The following EHD2 variants were observed in gnomAD, a reference collection of about 807,000 sequenced individuals.
EHD2 encodes EH domain-containing protein 2.
A neutral mutation model predicts 41.0 loss-of-function variants in EHD2; 27 were observed. The observed-to-expected ratio is 0.66, with a 90% CI of 0.49 to 0.91. The LOEUF (loss-of-function observed/expected upper bound fraction) is 0.91, where lower values mean the gene tolerates loss of function less well. EHD2 is among the 40% of genes least tolerant of loss of function. EHD2 has a pLI of 0.00. For missense variants in EHD2, 673 were observed against 773.9 expected (o/e 0.87, Z 1.55); for synonymous variants, 342 against 341.0 (o/e 1.00, Z -0.03).
chr19:47,735,055 C>T (rs1359380527), intron 4 of EHD2, among the ~76,000 whole-genome samples: 1 of 152,078 alleles, frequency 6.6e-6, no homozygotes. Context: ...GACTCCGTCT[C>T]AAAATAAATA....
chr19:47,722,009 AACACACACACACAC>A (rs201572396), intron 3 of EHD2, among the ~76,000 whole-genome samples: 4,199 of 130,728 alleles, frequency 0.032, 84 homozygotes, highest in Middle Eastern at 0.053. Flanking sequence ...AGAAAAACAA[AACACACACACACAC>A]ACACACACAC....
intron 4 of EHD2, among the ~76,000 whole-genome samples, chr19:47,731,063 A>G (rs1427424268): frequency 6.6e-6 from 1 of 151,266 alleles, no homozygotes; most frequent in Non-Finnish European, 1.5e-5. Flanking sequence ...GGAAGGGGTG[A>G]GCCGAGTGGC....
intron 5 of EHD2, among the ~76,000 whole-genome samples, chr19:47,739,092 TC>T (rs768760525): frequency 6.6e-6 from 1 of 151,278 alleles, no homozygotes. Flanking sequence ...CTTTTTTCTC[TC>T]CCCCCCTGCA....
intron 1 of EHD2, among the ~76,000 whole-genome samples, chr19:47,714,444 A>G (rs1009817673): frequency 1.3e-5 from 2 of 152,210 alleles, no homozygotes; most frequent in Admixed American, 1.3e-4. Flanking sequence ...TTTTAAAAAA[A>G]GCAAATACCC....
At chr19:47,733,383 A>G (rs1159317472) in intron 4 of EHD2, among the ~76,000 whole-genome samples, 1 of 151,820 alleles carries the variant, frequency 6.6e-6, no homozygotes, top group Admixed American at 6.6e-5. Context: ...TTAATAAATC[A>G]AGACATTAGG....
In EHD2 at chr19:47,742,279, T is replaced by TTTCG; in HGVS notation, c.*850_*851insGTTC. On this transcript the variant is annotated 3_prime_UTR_variant, in exon 6 of 6. Coordinates refer to ENST00000263277, the MANE Select transcript of EHD2 (RefSeq NM_014601.4). ...ACCCCTTCCCTTTCCTGTCCTGTCC[T>TTTCG]TTCTTTCTTTTTTGATAGAATCTTG... is the stretch of plus-strand genomic sequence containing the variant. 3.6e-6 allele frequency: 1 copy of TTTCG among 275,612 alleles called. No individual in the cohort carries two copies. The highest frequency in any genetic ancestry group is 7.0e-6 in the Non-Finnish European group (1 of 142,266). 17.1% of individuals were successfully genotyped at this position (275,612 alleles called of 1,614,324 possible).
At chr19:47,736,559 T>C (rs747452965) in intron 5 of EHD2, 26 bp downstream of exon 5, 3 of 1,556,074 alleles carry the variant, frequency 1.9e-6, no homozygotes, top group East Asian at 4.7e-5. Flanking sequence ...GGAGGGAATG[T>C]TGGGGGTGGG....
chr19:47,731,277 A>ATATATATAT (rs1424865629), intron 4 of EHD2: 5 of 26,932 alleles, frequency 1.9e-4, no homozygotes, highest in Admixed American at 1.1e-3. Flanking sequence ...TAAAAAAAAA[A>ATATATATAT]AAATATATAT....
At chr19:47,739,797 T>C (rs975333542) in intron 5 of EHD2, among the ~76,000 whole-genome samples, 2 of 151,318 alleles carry the variant, frequency 1.3e-5, no homozygotes, top group Non-Finnish European at 2.9e-5. Context: ...GCTGGGCAGC[T>C]GGAGTTGGGT....
chr19:47,741,047 G>A lies in EHD2; in HGVS notation c.1247G>A (p.Gly416Asp), dbSNP rs773154791. The change falls in exon 6 of 6, where the codon GGC becomes GAC. Residue 416 changes from glycine (G) to aspartate (D), a missense_variant. Gly to Asp is a moderately conservative substitution (Grantham distance 94). Coordinates refer to ENST00000263277, the MANE Select transcript of EHD2 (RefSeq NM_014601.4). The surrounding 1 kb of genome is among the most constrained non-coding windows in gnomAD (Gnocchi z 4.5). ...GGCGTGCAGGGGGGCGCTTTTGAGGGCACCCACATGGGCCCGTTTGTGGAG... is the reference window on the plus strand; with the variant it reads ...GGCGTGCAGGGGGGCGCTTTTGAGGACACCCACATGGGCCCGTTTGTGGAG... ...EVGVQGGAFEGTHMGPFVERG... is the reference protein window; with the variant it reads ...EVGVQGGAFEDTHMGPFVERG... The A allele has an allele frequency of 1.9e-6, 3 of 1,609,348 alleles. No homozygotes were observed. In the African/African-American group the frequency reaches 4.0e-5, roughly 21 times the overall value.
chr19:47,720,872 C>T (rs1973687510), intron 3 of EHD2, among the ~76,000 whole-genome samples: 1 of 151,152 alleles, frequency 6.6e-6, no homozygotes, highest in Admixed American at 6.6e-5. Context: ...TGCAGGAGTG[C>T]ATCTTTTGTG....
intron 4 of EHD2, among the ~76,000 whole-genome samples, chr19:47,734,372 G>A (rs1966900458): frequency 6.6e-6 from 1 of 151,874 alleles, no homozygotes; most frequent in Non-Finnish European, 1.5e-5. Flanking sequence ...GGGGAGAGAG[G>A]GAGAGACATA....
chr19:47,731,845 T>C (rs1327732799), intron 4 of EHD2, among the ~76,000 whole-genome samples: 1 of 143,866 alleles, frequency 7.0e-6, no homozygotes, highest in East Asian at 2.1e-4. Flanking sequence ...TGGAGTGCAG[T>C]GGCATGATCT....
At chr19:47,733,108 A>G (rs1966886646) in intron 4 of EHD2, 1 of 151,650 alleles carries the variant, frequency 6.6e-6, no homozygotes, top group Non-Finnish European at 1.5e-5. Flanking sequence ...AATAAAAAAT[A>G]AAAAGATTGT....
In EHD2 at chr19:47,716,562, C is replaced by G. The variant is rs1165691017; in HGVS notation, c.-51C>G. On this transcript the variant is annotated 5_prime_UTR_variant, in exon 2 of 6. Coordinates refer to ENST00000263277, the MANE Select transcript of EHD2 (RefSeq NM_014601.4). ...TGCCCTCTCCCCCTCCCACAGGCAGCTCTCCATCTGCACGTCTCTCCGTGA... is the reference window on the plus strand; with the variant it reads ...TGCCCTCTCCCCCTCCCACAGGCAGGTCTCCATCTGCACGTCTCTCCGTGA... 1 of 1,448,724 alleles carries G rather than the reference C, an allele frequency of 6.9e-7. No homozygotes were observed. Among genetic ancestry groups the G allele is most frequent in the South Asian group, 1.4e-5 (1 of 69,788 alleles). The allele number at this position is 1,448,724 out of a possible 1,614,324, so 89.7% of individuals were successfully genotyped here. A position where few individuals can be genotyped will look rare whatever the true frequency, so the allele number is the denominator to read the frequency against.
rs777258111 is a variant in EHD2, at chr19:47,741,025, G to A, written c.1225G>A (p.Val409Met). ...QEELESTEVG[V>M]QGGAFEGTHM... Reference sequence around the variant, plus strand: ...GGAGCTGGAGAGCACCGAGGTGGGCGTGCAGGGGGGCGCTTTTGAGGGCAC... The same window carrying A: ...GGAGCTGGAGAGCACCGAGGTGGGCATGCAGGGGGGCGCTTTTGAGGGCAC... The change falls in exon 6 of 6, where the codon GTG becomes ATG. Residue 409 changes from valine to methionine, a missense_variant. Val to Met is a conservative substitution (Grantham distance 21, BLOSUM62 1). Transcript: ENST00000263277. This position sits in a 1 kb window ranked among gnomAD's most constrained non-coding sequence, Gnocchi z 4.5. 6.2e-6 allele frequency: 10 copies of A among 1,609,926 alleles called. No individual in the cohort carries two copies. The highest frequency in any genetic ancestry group is 1.1e-5 in the South Asian group (1 of 91,080).
rs773429484 is a variant in EHD2 at position 47,716,660 on chromosome 19, G to A, written c.48G>A (p.Glu16=). 6 of 1,590,274 alleles carry A rather than the reference G, an allele frequency of 3.8e-6. No individual in the cohort carries two copies. Among genetic ancestry groups the A allele is most frequent in the Non-Finnish European group, 5.1e-6 (6 of 1,168,058 alleles). ...GCGGGGCACGGGGCCAGCAGCCCGA[G>A]GCCATCCGCACGGTGACCTCGGCCC... The part of the protein sequence containing the change: ...KRGGARGQQP[E]AIRTVTSALK... Residue 16 remains glutamate, a synonymous_variant, in exon 2 of 6, where the codon GAG becomes GAA. Coordinates refer to ENST00000263277, the MANE Select transcript of EHD2 (RefSeq NM_014601.4).
chr19:47,728,270 C>T (rs1973772722), intron 4 of EHD2, among the ~76,000 whole-genome samples: 2 of 151,972 alleles, frequency 1.3e-5, no homozygotes, highest in South Asian at 4.2e-4. Context: ...CTGGTGGCCT[C>T]AGTCCTGTGC....
intron 3 of EHD2, among the ~76,000 whole-genome samples, chr19:47,718,971 G>A (rs1184278740): frequency 6.6e-6 from 1 of 152,080 alleles, no homozygotes; most frequent in African/African-American, 2.4e-5. Context: ...GAGGGCCTGG[G>A]GTCTGGACTC....
Sources: allele counts gnomAD v4.1 joint callset (sites outside exome capture counted in the v4.1 genomes callset), GRCh38; gene constraint gnomAD v4.1.1; non-coding constraint Gnocchi (gnomAD v3.1); transcripts MANE v1.5; gene names NCBI Gene and HGNC (gene_info 2026-07-23, HGNC 2026-07-21).